The following FGGY variants were observed in gnomAD, a reference collection of about 807,000 sequenced individuals.
The protein encoded by FGGY is FGGY carbohydrate kinase domain-containing protein.
A neutral mutation model predicts 71.3 loss-of-function variants in FGGY; 72 were observed. The ratio of observed to expected loss-of-function variants is 1.01; its 90% CI spans 0.84 to 1.23. The LOEUF is 1.23. FGGY is among the 50% of genes most tolerant of loss of function. FGGY has a pLI of 0.00. For synonymous variants in FGGY, 251 were observed against 250.3 expected (o/e 1.00, Z -0.02); for missense variants, 668 against 682.3 (o/e 0.98, Z 0.23).
At chr1:59,534,775 A>C (rs1003613850) in intron 7 of FGGY, among the ~76,000 whole-genome samples, 20 of 152,166 alleles carry the variant, frequency 1.3e-4, no homozygotes, top group South Asian at 2.1e-4. Context: ...ACAGACAAGC[A>C]AATGCTGAGA....
chr1:59,636,223 CAT>C (rs1374104597), intron 10 of FGGY, among the ~76,000 whole-genome samples: 11 of 152,194 alleles, frequency 7.2e-5, no homozygotes, highest in Non-Finnish European at 1.5e-4. Flanking sequence ...CACACACACA[CAT>C]ATACATGCAT....
chr1:59,477,425 C>T (rs1336019663), intron 6 of FGGY, among the ~76,000 whole-genome samples: 1 of 152,120 alleles, frequency 6.6e-6, no homozygotes, highest in Non-Finnish European at 1.5e-5. Context: ...CTAATGGCCT[C>T]CTCCAAGGTT....
intron 14 of FGGY, among the ~76,000 whole-genome samples, chr1:59,695,021 A>C (rs1284795518): frequency 6.6e-6 from 1 of 152,226 alleles, no homozygotes; most frequent in East Asian, 1.9e-4. Context: ...ATGTAAGCCC[A>C]TAGCCAAGAC....
intron 4 of FGGY, among the ~76,000 whole-genome samples, chr1:59,360,252 C>T (rs1290977671): frequency 6.6e-6 from 1 of 151,998 alleles, no homozygotes; most frequent in African/African-American, 2.4e-5. Flanking sequence ...CTGAAACTCT[C>T]CTTCGTGCTG....
chr1:59,357,458 A>G (rs181955113), intron 4 of FGGY, among the ~76,000 whole-genome samples: 1 of 152,188 alleles, frequency 6.6e-6, no homozygotes, highest in East Asian at 1.9e-4. Context: ...CATTTTACAG[A>G]TGAATACAAG....
At chr1:59,600,891 A>C (rs138888730) in intron 8 of FGGY, among the ~76,000 whole-genome samples, 181 of 152,278 alleles carry the variant, frequency 1.2e-3, no homozygotes, top group African/African-American at 4.2e-3. Context: ...TGGGAGAGGC[A>C]GACATTAACA....
intron 5 of FGGY, among the ~76,000 whole-genome samples, chr1:59,439,919 C>G (rs114847856): frequency 1.2e-3 from 179 of 152,224 alleles, no homozygotes; most frequent in African/African-American, 4.2e-3. Context: ...AAATATGTCT[C>G]ACACCATTAA....
At chr1:59,734,521 C>G (rs2098082698) in intron 14 of FGGY, among the ~76,000 whole-genome samples, 1 of 152,138 alleles carries the variant, frequency 6.6e-6, no homozygotes, top group South Asian at 2.1e-4. Flanking sequence ...CCGTATGGCC[C>G]TCTCCTCTGC....
chr1:59,553,891 C>T (rs1351135633), intron 7 of FGGY: 4 of 380,892 alleles, frequency 1.1e-5, no homozygotes, highest in East Asian at 7.7e-5. Context: ...ATTATTATAA[C>T]GTTGGGTGCC....
chr1:59,389,733 C>A (rs550831220), intron 5 of FGGY, among the ~76,000 whole-genome samples: 1 of 152,148 alleles, frequency 6.6e-6, no homozygotes, highest in Admixed American at 6.5e-5. Context: ...CCTCCACATC[C>A]TCCCCAGCTC....
Position 59,360,604 on chromosome 1 carries a change from A to G in FGGY, c.465+14206A>G, listed in dbSNP as rs1307683337. Among the ~76,000 whole-genome samples, 3 of 152,206 alleles carry G rather than the reference A, an allele frequency of 2.0e-5. No homozygotes were observed. In the East Asian group the frequency reaches 5.8e-4, roughly 29 times the overall value. On this transcript the variant is annotated intron_variant, in intron 4 of 15. Transcript: ENST00000303721. ...TAAAAAATTGTGTTGATATACTATT[A>G]TGTATCAGAAGGTATTTGATAAATT...
chr1:59,654,836 G>A (rs1228386416), intron 11 of FGGY, among the ~76,000 whole-genome samples: 2 of 152,164 alleles, frequency 1.3e-5, no homozygotes, highest in East Asian at 3.8e-4. Flanking sequence ...CCGTAGTTTA[G>A]ACAGCTACTA....
chr1:59,375,408 C>G (rs549117737), intron 4 of FGGY, among the ~76,000 whole-genome samples: 1 of 152,274 alleles, frequency 6.6e-6, no homozygotes, highest in East Asian at 1.9e-4. Context: ...TGGCCTATCT[C>G]CAGACTTTTC....
chr1:59,344,294 CT>C (rs992159898), intron 3 of FGGY, among the ~76,000 whole-genome samples: 87 of 148,768 alleles, frequency 5.8e-4, no homozygotes, highest in African/African-American at 2.2e-3. Flanking sequence ...CTTACATTGG[CT>C]TTTTTTGTTG....
chr1:59,560,039 G>A (rs2095761111), intron 8 of FGGY, among the ~76,000 whole-genome samples: 2 of 152,094 alleles, frequency 1.3e-5, no homozygotes, highest in South Asian at 4.2e-4. Context: ...GGAAAACGGG[G>A]GAAGAGTAAT....
chr1:59,497,752 G>A (rs1462800268), intron 6 of FGGY, among the ~76,000 whole-genome samples: 2 of 152,182 alleles, frequency 1.3e-5, no homozygotes, highest in Admixed American at 6.5e-5. Context: ...AGGCCAGAGA[G>A]AATGAACAAT....
At chr1:59,595,658 C>G (rs892892313) in intron 8 of FGGY, among the ~76,000 whole-genome samples, 1 of 152,190 alleles carries the variant, frequency 6.6e-6, no homozygotes, top group African/African-American at 2.4e-5. Flanking sequence ...CCATTGCACT[C>G]CAGCCTGGGT....
intron 9 of FGGY, among the ~76,000 whole-genome samples, chr1:59,608,688 C>A (rs11207490): frequency 0.03 from 4,566 of 152,180 alleles, 237 homozygotes; most frequent in African/African-American, 0.1. Flanking sequence ...CAAAAATTAG[C>A]TGGGCTCGAT....
rs142016704 is a variant in FGGY, at chr1:59,486,486, G to A, written c.671-25825G>A. On this transcript the variant is annotated intron_variant, in intron 6 of 15. Coordinates refer to ENST00000303721, the MANE Select transcript of FGGY (RefSeq NM_018291.5). ...TTGTGCCAGTAATTGAAGGAGTCTT[G>A]TAGTTGGTAAGATTTGGGGAGGTGA... 2.1e-3 allele frequency among the ~76,000 whole-genome samples: 321 copies of A among 152,278 alleles called. 4 individuals carry two copies. Among genetic ancestry groups the A allele is most frequent in the Non-Finnish European group, 5.3e-4 (36 of 68,026 alleles).
Sources: allele counts gnomAD v4.1 joint callset (sites outside exome capture counted in the v4.1 genomes callset), GRCh38; gene constraint gnomAD v4.1.1; transcripts MANE v1.5; gene names NCBI Gene and HGNC (gene_info 2026-07-23, HGNC 2026-07-21).